Variants in ZBTB7C observed in about 807,000 individuals in gnomAD.
ZBTB7C encodes the protein zinc finger and BTB domain-containing protein 7C.
In ZBTB7C, 8 loss-of-function variants were observed where a neutral mutation model predicts 25.7. That is an observed-to-expected ratio of 0.31 (90% CI 0.18 to 0.56). The LOEUF is 0.56. ZBTB7C is among the 20% of genes least tolerant of loss of function. ZBTB7C has a pLI of 0.91. For synonymous variants in ZBTB7C, 394 were observed against 369.0 expected, an observed-to-expected ratio of 1.07 and a Z score of -0.78; for missense variants, 824 against 855.2, an observed-to-expected ratio of 0.96 and a Z score of 0.46.
At chr18:48,213,977 T>C (rs1311280751) in intron 2 of ZBTB7C, among the ~76,000 whole-genome samples, 2 of 152,156 alleles carry the variant, frequency 1.3e-5, no homozygotes, top group East Asian at 1.9e-4. Context: ...TCAAAGGTGC[T>C]TGGACACGCA....
chr18:48,175,149 A>C (rs1475991792), intron 3 of ZBTB7C, among the ~76,000 whole-genome samples: 1 of 152,240 alleles, frequency 6.6e-6, no homozygotes, highest in East Asian at 1.9e-4. Context: ...AACTGAAAAA[A>C]AAGGAACCTA....
At chr18:48,320,142 GAGA>G (rs1351237427) in intron 2 of ZBTB7C, among the ~76,000 whole-genome samples, 1 of 152,028 alleles carries the variant, frequency 6.6e-6, no homozygotes, top group Non-Finnish European at 1.5e-5. Flanking sequence ...AAGCAAACTG[GAGA>G]AGAAGGAGAA....
At chr18:48,213,901 G>T (rs2042761520) in intron 2 of ZBTB7C, among the ~76,000 whole-genome samples, 1 of 152,186 alleles carries the variant, frequency 6.6e-6, no homozygotes, top group African/African-American at 2.4e-5. Context: ...TGTAGGGCTG[G>T]GATGAAAAAT....
intron 3 of ZBTB7C, among the ~76,000 whole-genome samples, chr18:48,067,239 T>C (rs1249006328): frequency 1.3e-5 from 2 of 152,212 alleles, no homozygotes; most frequent in Non-Finnish European, 2.9e-5. Context: ...GAGCTGGATT[T>C]TACCTTGAAG....
In ZBTB7C at chr18:48,095,747, A is replaced by AAAATAAAATAAAATAAAATAAAAG. The variant is rs35953333; in HGVS notation, c.-16-54625_-16-54624insCTTTTATTTTATTTTATTTTATTT. Among the ~76,000 whole-genome samples the AAAATAAAATAAAATAAAATAAAAG allele has an allele frequency of 6.7e-5, 6 of 89,846 alleles. No homozygotes were observed. In the South Asian group the frequency reaches 1.4e-3, roughly 21 times the overall value. The allele number at this position is 89,846 out of a possible 152,430, so 58.9% of individuals were successfully genotyped here. On this transcript the variant is annotated intron_variant, in intron 3 of 4. Coordinates refer to ENST00000590800, the MANE Select transcript of ZBTB7C (RefSeq NM_001318841.2). ...TAAAATAAAATAAAATAAAATAAAA[A>AAAATAAAATAAAATAAAATAAAAG]TGGTTATTGGGTGAGAGAATGGATG...
At chr18:48,406,394 T>C (rs916927826) in intron 1 of ZBTB7C, among the ~76,000 whole-genome samples, 13 of 152,128 alleles carry the variant, frequency 8.5e-5, no homozygotes, top group African/African-American at 3.1e-4. Flanking sequence ...GAAGCCCAAG[T>C]TGCGTGCTGA....
At chr18:48,173,340 T>G (rs2041558062) in intron 3 of ZBTB7C, among the ~76,000 whole-genome samples, 8 of 152,078 alleles carry the variant, frequency 5.3e-5, no homozygotes, top group Admixed American at 5.2e-4. Flanking sequence ...GCTGTTATCA[T>G]CCCCATTTCC....
chr18:48,189,478 C>G (rs1282785374), intron 2 of ZBTB7C, among the ~76,000 whole-genome samples: 1 of 152,110 alleles, frequency 6.6e-6, no homozygotes, highest in African/African-American at 2.4e-5. Context: ...TCTGGACAAG[C>G]CTCGTCCCCT....
Position 48,118,869 on chromosome 18 carries a change from GTTCT to G in ZBTB7C, c.-17+67061_-17+67064del, listed in dbSNP as rs546126822. On this transcript the variant is annotated intron_variant, in intron 3 of 4. Transcript: ENST00000590800. The stretch of plus-strand genomic sequence containing the variant: ...CAAAACATTAACAATATCAATTGGA[GTTCT>G]TTCTTTCTTTTTTGTCTTTCTGCCT... 3.1e-3 allele frequency among the ~76,000 whole-genome samples: 466 copies of G among 152,282 alleles called. 3 individuals are homozygous for G. Among genetic ancestry groups the G allele is most frequent in the African/African-American group, 0.011 (441 of 41,566 alleles).
chr18:48,084,238 G>A (rs997439364), intron 3 of ZBTB7C, among the ~76,000 whole-genome samples: 1 of 152,192 alleles, frequency 6.6e-6, no homozygotes, highest in African/African-American at 2.4e-5. Flanking sequence ...GAGGAAGGCG[G>A]GGCAGTGGGG....
intron 3 of ZBTB7C, among the ~76,000 whole-genome samples, chr18:48,109,944 T>C (rs2039175042): frequency 6.6e-6 from 1 of 152,090 alleles, no homozygotes; most frequent in African/African-American, 2.4e-5. Flanking sequence ...TCCTGGACGT[T>C]CCATGGGCCT....
intron 2 of ZBTB7C, among the ~76,000 whole-genome samples, chr18:48,289,465 A>G (rs1268861369): frequency 6.6e-6 from 1 of 151,970 alleles, no homozygotes; most frequent in Non-Finnish European, 1.5e-5. Context: ...GGTTAAGCAA[A>G]GAAAACCAAA....
At chr18:48,292,428 T>A (rs906305401) in intron 2 of ZBTB7C, among the ~76,000 whole-genome samples, 1 of 152,164 alleles carries the variant, frequency 6.6e-6, no homozygotes, top group Non-Finnish European at 1.5e-5. Context: ...CTTTTCACTA[T>A]GACTCATGGC....
intron 3 of ZBTB7C, among the ~76,000 whole-genome samples, chr18:48,087,242 C>T (rs542284378): frequency 9.1e-4 from 139 of 152,336 alleles, no homozygotes; most frequent in South Asian, 3.9e-3. Context: ...ATTCTATGAA[C>T]AAAGGCAAGA....
intron 3 of ZBTB7C, among the ~76,000 whole-genome samples, chr18:48,183,192 C>G (rs2041971303): frequency 6.6e-6 from 1 of 152,190 alleles, no homozygotes; most frequent in Non-Finnish European, 1.5e-5. Context: ...GGCTCAATCC[C>G]TTCTGGAATA....
intron 3 of ZBTB7C, among the ~76,000 whole-genome samples, chr18:48,176,616 C>CGTGTGTGTGTGTGTGTGTGTGTGT (rs10533963): frequency 6.7e-6 from 1 of 149,748 alleles, no homozygotes; most frequent in African/African-American, 2.5e-5. Flanking sequence ...AGGAAATACA[C>CGTGTGTGTGTGTGTGTGTGTGTGT]GTGTGTGTGT....
At chr18:48,060,630 T>G (rs368491466) in intron 3 of ZBTB7C, among the ~76,000 whole-genome samples, 1 of 152,092 alleles carries the variant, frequency 6.6e-6, no homozygotes, top group South Asian at 2.1e-4. Flanking sequence ...CTACCCCACC[T>G]TCATTGGGTG....
At chr18:48,125,852 G>A (rs1402103031) in intron 3 of ZBTB7C, among the ~76,000 whole-genome samples, 5 of 152,178 alleles carry the variant, frequency 3.3e-5, no homozygotes, top group Admixed American at 6.5e-5. Flanking sequence ...CACTGAGGTC[G>A]CTAGCCACGC....
At chr18:48,224,650 C>T (rs887306465) in intron 2 of ZBTB7C, among the ~76,000 whole-genome samples, 1 of 152,188 alleles carries the variant, frequency 6.6e-6, no homozygotes, top group Admixed American at 6.5e-5. Context: ...GACAGATGTA[C>T]GTTCAAACAC....
Sources: gnomAD v4.1 joint callset for allele counts (sites outside exome capture counted in the v4.1 genomes callset) on GRCh38, gnomAD v4.1.1 for gene constraint, MANE v1.5 for transcripts, NCBI Gene and HGNC (gene_info 2026-07-23, HGNC 2026-07-21) for gene names.